The following CCSER1 variants were observed in gnomAD, a reference collection of about 807,000 sequenced individuals.
CCSER1 encodes coiled-coil serine rich protein 1.
In CCSER1, 41 loss-of-function variants were observed where a neutral mutation model predicts 82.0. The observed-to-expected ratio is 0.50, with a 90% CI of 0.39 to 0.65. The LOEUF is 0.65. CCSER1 is among the 30% of genes least tolerant of loss of function. The pLI is 0.00. For synonymous variants in CCSER1, 414 were observed against 383.9 expected, an observed-to-expected ratio of 1.08 and a Z score of -0.92; for missense variants, 1,119 against 1,064.2, an observed-to-expected ratio of 1.05 and a Z score of -0.72.
intron 3 of CCSER1, chr4:90,325,510 G>T: frequency 5.1e-6 from 1 of 197,632 alleles, no homozygotes. Context: ...TTTTCCGTGA[G>T]AGGACAACTG....
chr4:90,497,742 C>A (rs1222176973), intron 5 of CCSER1, among the ~76,000 whole-genome samples: 1 of 152,254 alleles, frequency 6.6e-6, no homozygotes, highest in African/African-American at 2.4e-5. Flanking sequence ...CTACACATCT[C>A]AATGGTCACT....
intron 7 of CCSER1, among the ~76,000 whole-genome samples, chr4:90,777,990 C>T (rs568970945): frequency 6.6e-6 from 1 of 151,956 alleles, no homozygotes; most frequent in Admixed American, 6.6e-5. Flanking sequence ...ATTTGTTGAT[C>T]TTGTTTGTCA....
At chr4:91,238,946 C>G (rs1739234785) in intron 10 of CCSER1, among the ~76,000 whole-genome samples, 1 of 151,946 alleles carries the variant, frequency 6.6e-6, no homozygotes, top group Non-Finnish European at 1.5e-5. Context: ...GCCTCAGCCT[C>G]CCAAGTAGCT....
At chr4:90,288,072 G>T (rs1182976572) in intron 1 of CCSER1, among the ~76,000 whole-genome samples, 1 of 151,824 alleles carries the variant, frequency 6.6e-6, no homozygotes, top group Non-Finnish European at 1.5e-5. Context: ...TTGTTATCTT[G>T]TTTATCTGTA....
intron 10 of CCSER1, among the ~76,000 whole-genome samples, chr4:91,297,890 T>C (rs541548768): frequency 6.6e-6 from 1 of 152,118 alleles, no homozygotes; most frequent in East Asian, 1.9e-4. Context: ...CACAATGATG[T>C]TAAATCTAGA....
At chr4:91,108,757 T>C in intron 10 of CCSER1, among the ~76,000 whole-genome samples, 1 of 152,210 alleles carries the variant, frequency 6.6e-6, no homozygotes, top group Admixed American at 6.5e-5. Context: ...CTTTCTCCTC[T>C]GACAAGTTAT....
At chr4:91,039,945 G>C (rs1041557355) in intron 9 of CCSER1, among the ~76,000 whole-genome samples, 1 of 151,956 alleles carries the variant, frequency 6.6e-6, no homozygotes, top group African/African-American at 2.4e-5. Context: ...GTGTAGAAAG[G>C]CCTGCTTTAC....
intron 3 of CCSER1, 83 bp downstream of exon 3, chr4:90,313,130 G>C: frequency 4.4e-6 from 5 of 1,131,700 alleles, no homozygotes; most frequent in Non-Finnish European, 6.5e-6. Context: ...AATGAACACA[G>C]ACTACAGGAT....
At chr4:90,484,957 G>A (rs1279552653) in intron 5 of CCSER1, among the ~76,000 whole-genome samples, 1 of 152,206 alleles carries the variant, frequency 6.6e-6, no homozygotes, top group Non-Finnish European at 1.5e-5. Flanking sequence ...TTGTTTGTCT[G>A]TGCCCAGCCC....
intron 10 of CCSER1, among the ~76,000 whole-genome samples, chr4:91,306,152 CA>C (rs1560579135): frequency 6.6e-6 from 1 of 150,986 alleles, no homozygotes; most frequent in African/African-American, 2.4e-5. Context: ...GCCAACCTTT[CA>C]TATATGATTA....
intron 10 of CCSER1, among the ~76,000 whole-genome samples, chr4:91,096,091 C>T (rs1248378890): frequency 6.6e-6 from 1 of 152,184 alleles, no homozygotes; most frequent in Non-Finnish European, 1.5e-5. Flanking sequence ...TTGAGGAGGT[C>T]AGCAGAGGTG....
intron 1 of CCSER1, among the ~76,000 whole-genome samples, chr4:90,252,058 A>C (rs940053197): frequency 2.0e-5 from 3 of 151,806 alleles, no homozygotes; most frequent in Non-Finnish European, 4.4e-5. Context: ...TTGATGTGAG[A>C]TGCTTCTTTT....
chr4:90,352,869 T>C (rs1391120842), intron 3 of CCSER1, among the ~76,000 whole-genome samples: 3 of 152,208 alleles, frequency 2.0e-5, no homozygotes, highest in Non-Finnish European at 4.4e-5. Context: ...TTTCTTTAGA[T>C]AATATTTAAT....
intron 10 of CCSER1, among the ~76,000 whole-genome samples, chr4:91,514,039 C>T (rs552803135): frequency 4.6e-5 from 7 of 151,848 alleles, no homozygotes; most frequent in South Asian, 2.1e-4. Flanking sequence ...TTCCTCTATA[C>T]GTGTTGTTAG....
intron 5 of CCSER1, among the ~76,000 whole-genome samples, chr4:90,482,209 G>A (rs1355221030): frequency 2.6e-5 from 4 of 152,060 alleles, no homozygotes; most frequent in Admixed American, 2.0e-4. Flanking sequence ...TGTGGGATCG[G>A]TGGTGATATC....
intron 10 of CCSER1, among the ~76,000 whole-genome samples, chr4:91,260,549 A>G (rs1741030355): frequency 6.6e-6 from 1 of 152,146 alleles, no homozygotes; most frequent in Non-Finnish European, 1.5e-5. Context: ...TTTGATCCCA[A>G]ATATGTAAAC....
chr4:90,148,674 G>A (rs1726262535), intron 1 of CCSER1, among the ~76,000 whole-genome samples: 1 of 152,110 alleles, frequency 6.6e-6, no homozygotes, highest in Non-Finnish European at 1.5e-5. Flanking sequence ...GAACCTCACT[G>A]TACAATTATT....
At chr4:91,503,408 G>C (rs1471978327) in intron 10 of CCSER1, among the ~76,000 whole-genome samples, 1 of 151,870 alleles carries the variant, frequency 6.6e-6, no homozygotes, top group Non-Finnish European at 1.5e-5. Context: ...TGTAGAAAGG[G>C]AAATTTGAGA....
At chr4:90,199,315 A>G (rs1235991498) in intron 1 of CCSER1, among the ~76,000 whole-genome samples, 1 of 152,208 alleles carries the variant, frequency 6.6e-6, no homozygotes, top group Non-Finnish European at 1.5e-5. Context: ...TACAGGCTAT[A>G]ATGGGCCTCT....
Sources: allele counts gnomAD v4.1 joint callset (sites outside exome capture counted in the v4.1 genomes callset), GRCh38; gene constraint gnomAD v4.1.1; transcripts MANE v1.5; gene names NCBI Gene and HGNC (gene_info 2026-07-23, HGNC 2026-07-21).